Variants in ISY1 observed in about 807,000 individuals in gnomAD.
The protein encoded by ISY1 is ISY1 spliceosome associated protein.
In ISY1, 12 loss-of-function variants were observed where a neutral mutation model predicts 54.4. That is an observed-to-expected ratio of 0.22 (90% CI 0.14 to 0.36). ISY1 has a LOEUF of 0.36. Among genes scored for constraint, ISY1 ranks in the 10% least tolerant of loss-of-function variants. The pLI is 1.00. For synonymous variants in ISY1, 96 were observed against 117.9 expected (o/e 0.81, Z 1.20); for missense variants, 282 against 342.2 (o/e 0.82, Z 1.39).
chr3:129,132,213 C>A (rs1338121196), intron 9 of ISY1, among the ~76,000 whole-genome samples: 9 of 152,254 alleles, frequency 5.9e-5, no homozygotes, highest in East Asian at 1.9e-4. Flanking sequence ...ACTCAATATG[C>A]CAATGTCAAC....
chr3:129,140,542 T>C (rs1471657878), intron 6 of ISY1, 57 bp from the exon 7 acceptor site: 9 of 1,415,442 alleles, frequency 6.4e-6, no homozygotes, highest in East Asian at 4.7e-5. Flanking sequence ...TTAGTTATTA[T>C]TTATTTATTT....
chr3:129,146,431 T>C (rs1047966767), intron 5 of ISY1, among the ~76,000 whole-genome samples: 1 of 151,578 alleles, frequency 6.6e-6, no homozygotes, highest in Non-Finnish European at 1.5e-5. Context: ...ACAGAGAAGG[T>C]AGGAAAATGG....
chr3:129,154,935 G>A (rs924829049), intron 5 of ISY1, among the ~76,000 whole-genome samples: 154 of 152,036 alleles, frequency 1.0e-3, no homozygotes, highest in Non-Finnish European at 9.9e-4. Flanking sequence ...TCATCCGCCC[G>A]CCTCGGCCTC....
At chr3:129,149,788 C>CAAAA (rs369302599) in intron 5 of ISY1, among the ~76,000 whole-genome samples, 10 of 83,538 alleles carry the variant, frequency 1.2e-4, no homozygotes, top group African/African-American at 2.8e-4. Flanking sequence ...GACTCCAACT[C>CAAAA]AAAAAAAAAA....
In ISY1 at chr3:129,161,019, C is replaced by G. The variant is rs182147076; in HGVS notation, c.-44G>C. The G allele has an allele frequency of 7.1e-6, 11 of 1,548,762 alleles. No homozygotes were observed. Among genetic ancestry groups the G allele is most frequent in the Non-Finnish European group, 9.6e-6 (11 of 1,146,306 alleles). ...GTCCTGGAGCCCCGCGGCCCCTGTCCAAGAAACTCCACAGGCCCAGAAGAC... is the reference window on the plus strand; with the variant it reads ...GTCCTGGAGCCCCGCGGCCCCTGTCGAAGAAACTCCACAGGCCCAGAAGAC... On this transcript the variant is annotated 5_prime_UTR_variant, in exon 1 of 11. Transcript: ENST00000393295.
chr3:129,141,032 T>C (rs1271467600), intron 6 of ISY1, among the ~76,000 whole-genome samples: 2 of 150,894 alleles, frequency 1.3e-5, no homozygotes, highest in East Asian at 2.0e-4. Flanking sequence ...GGCAAAACCC[T>C]GTCTCTACTA....
rs530965138 is a variant in ISY1, at chr3:129,143,824, C to T, written c.300+1937G>A. On this transcript the variant is annotated intron_variant, in intron 6 of 10. Coordinates refer to ENST00000393295, the MANE Select transcript of ISY1 (RefSeq NM_020701.4). ...AATTATGACATTCATACAAAAACAA[C>T]GGAAGGAGAAAAAAGATAAAGAGCA... is the stretch of plus-strand genomic sequence containing the variant. Among the ~76,000 whole-genome samples the T allele has an allele frequency of 5.3e-5, 8 of 151,904 alleles. 2 individuals carry two copies. The highest frequency in any genetic ancestry group is 3.9e-4 in the Admixed American group (6 of 15,246).
chr3:129,135,541 G>C (rs180686314), intron 7 of ISY1, among the ~76,000 whole-genome samples: 1 of 152,126 alleles, frequency 6.6e-6, no homozygotes, highest in Admixed American at 6.5e-5. Context: ...CGAGGCGGGA[G>C]AATCACGAGG....
chr3:129,136,877 T>C (rs1468284322), intron 7 of ISY1, among the ~76,000 whole-genome samples: 3 of 145,318 alleles, frequency 2.1e-5, no homozygotes, highest in Admixed American at 1.4e-4. Context: ...TCTTCTTCTT[T>C]TTTTTTTTAT....
At position 129,144,422 on chromosome 3, in the gene ISY1, C is replaced by G. The variant is rs1399745821; in HGVS notation, c.300+1339G>C. Among the ~76,000 whole-genome samples the G allele has an allele frequency of 2.0e-5, 3 of 152,154 alleles. No individual in the cohort carries two copies. The South Asian group carries it at 6.2e-4, about 31-fold the overall frequency. Reference sequence around the variant, plus strand: ...GTAAGAATTATGGTTATGTGTTAGACTTTCACAAGGTGAAAAGATCAACAC... The same window carrying G: ...GTAAGAATTATGGTTATGTGTTAGAGTTTCACAAGGTGAAAAGATCAACAC... On this transcript the variant is annotated intron_variant, in intron 6 of 10. Transcript: ENST00000393295.
intron 5 of ISY1, among the ~76,000 whole-genome samples, chr3:129,147,963 A>G (rs1034465150): frequency 2.6e-5 from 4 of 151,610 alleles, no homozygotes; most frequent in Admixed American, 6.6e-5. Flanking sequence ...TTATTTATTC[A>G]TCGATATGTT....
intron 5 of ISY1, among the ~76,000 whole-genome samples, chr3:129,146,671 G>C (rs920708955): frequency 1.3e-5 from 2 of 152,076 alleles, no homozygotes; most frequent in African/African-American, 4.8e-5. Context: ...GCTTTCACGG[G>C]TATAAAAATC....
chr3:129,133,078 C>T (rs1390407038), intron 9 of ISY1, among the ~76,000 whole-genome samples: 1 of 152,058 alleles, frequency 6.6e-6, no homozygotes, highest in African/African-American at 2.4e-5. Context: ...TATAGGGCCC[C>T]GCAGAAGAGC....
At chr3:129,154,613 C>A (rs1937079188) in intron 5 of ISY1, among the ~76,000 whole-genome samples, 1 of 151,576 alleles carries the variant, frequency 6.6e-6, no homozygotes, top group Admixed American at 6.6e-5. Flanking sequence ...GTAATATTCC[C>A]AATTTGGTTC....
chr3:129,131,471 G>A (rs1936236428), intron 9 of ISY1, among the ~76,000 whole-genome samples: 1 of 152,208 alleles, frequency 6.6e-6, no homozygotes, highest in Admixed American at 6.6e-5. Context: ...AAGAGGTCAG[G>A]AGGGTGACCC....
At chr3:129,154,929 C>T (rs1203665197) in intron 5 of ISY1, among the ~76,000 whole-genome samples, 3 of 151,768 alleles carry the variant, frequency 2.0e-5, no homozygotes, top group African/African-American at 4.8e-5. Flanking sequence ...ACCTCGTCAT[C>T]CGCCCGCCTC....
In ISY1 at chr3:129,140,225, C is replaced by G. The variant is rs961209144; in HGVS notation, c.418+143G>C. ...TTCTATCCCAGTTCTTAAGAATTCT[C>G]AGTTAAAATCTGGGAACAATAATTC... On this transcript the variant is annotated intron_variant, in intron 7 of 10. Transcript: ENST00000393295. 6 of 733,910 alleles carry G rather than the reference C, an allele frequency of 8.2e-6. No individual in the cohort carries two copies. In the African/African-American group the frequency reaches 1.1e-4, roughly 13 times the overall value. 45.5% of individuals were successfully genotyped at this position (733,910 alleles called of 1,614,324 possible).
intron 9 of ISY1, among the ~76,000 whole-genome samples, chr3:129,132,783 A>G (rs569333632): frequency 2.0e-5 from 3 of 152,340 alleles, no homozygotes; most frequent in East Asian, 1.9e-4. Flanking sequence ...GAGCAAATGA[A>G]TATTTGTACC....
chr3:129,129,267 C>CCA lies in ISY1; in HGVS notation c.*812_*813dup, dbSNP rs1034704704. Reference sequence around the variant, plus strand: ...CAGGAATAGCAAACTCAAATTCCTGCCACCCAGGCAGGAGCGAGTGGAGCA... The same window carrying CCA: ...CAGGAATAGCAAACTCAAATTCCTGCCACACCCAGGCAGGAGCGAGTGGAGCA... On this transcript the variant is annotated 3_prime_UTR_variant, in exon 11 of 11. Transcript: ENST00000393295. The CCA allele has an allele frequency of 2.6e-5, 4 of 152,216 alleles. No homozygotes were observed. The allele number at this position is 152,216 out of a possible 1,614,324, so 9.4% of individuals were successfully genotyped here.
Sources: allele counts gnomAD v4.1 joint callset (sites outside exome capture counted in the v4.1 genomes callset), GRCh38; gene constraint gnomAD v4.1.1; transcripts MANE v1.5; gene names NCBI Gene and HGNC (gene_info 2026-07-23, HGNC 2026-07-21).